CYP11A1: variants seen among roughly 807,000 people sequenced by gnomAD.
CYP11A1 encodes cytochrome P450 family 11 subfamily A member 1.
In CYP11A1, 25 loss-of-function variants were observed where a neutral mutation model predicts 51.9. The observed-to-expected ratio is 0.48, with a 90% confidence interval of 0.35 to 0.67. CYP11A1 has a LOEUF of 0.67. CYP11A1 is among the 30% of genes least tolerant of loss of function. The probability of loss-of-function intolerance (pLI) is 0.00; values close to 1 mark genes in which losing one functional copy is unlikely to be tolerated. For synonymous variants in CYP11A1, 245 were observed against 262.1 expected, an observed-to-expected ratio of 0.93 and a Z score of 0.63; for missense variants, 578 against 680.9, an observed-to-expected ratio of 0.85 and a Z score of 1.68.
chr15:74,350,452 T>G (rs1482659050), intron 1 of CYP11A1, among the ~76,000 whole-genome samples: 1 of 152,210 alleles, frequency 6.6e-6, no homozygotes, highest in Non-Finnish European at 1.5e-5. Flanking sequence ...GACAAGACCC[T>G]TCTTCTCACT....
chr15:74,367,218 A>G (rs7177102), intron 1 of CYP11A1, 99 bp downstream of exon 1: 8 of 1,343,904 alleles, frequency 6.0e-6, no homozygotes, highest in Non-Finnish European at 8.4e-6. Flanking sequence ...GGAGTTTGGA[A>G]CCAGAGAACA....
At chr15:74,365,603 G>C (rs530750598) in intron 1 of CYP11A1, 1 of 873,768 alleles carries the variant, frequency 1.1e-6, no homozygotes, top group South Asian at 5.2e-5. Context: ...TCTGGGGAAG[G>C]TTGAGGCCTC....
chr15:74,344,510 C>T (rs1290050316), intron 3 of CYP11A1, among the ~76,000 whole-genome samples: 1 of 152,214 alleles, frequency 6.6e-6, no homozygotes, highest in Non-Finnish European at 1.5e-5. Context: ...AAGCTCTGGG[C>T]ACCCCAAATC....
chr15:74,338,443 A>G, intron 8 of CYP11A1, 128 bp downstream of exon 8: 1 of 972,596 alleles, frequency 1.0e-6, no homozygotes, highest in East Asian at 2.4e-5. Flanking sequence ...GAGAGCAAGT[A>G]ACTGGAGGTA....
Position 74,365,806 on chromosome 15 carries a change from A to T in CYP11A1, c.269+1511T>A, listed in dbSNP as rs369921449. 1.3e-5 allele frequency: 13 copies of T among 985,534 alleles called. No individual in the cohort carries two copies. The African/African-American group carries it at 2.3e-4, about 17-fold the overall frequency. The allele number at this position is 985,534 out of a possible 1,614,324, so 61.0% of individuals were successfully genotyped here. ...AGAGGCCAGCAGAGGCGAGGAGTGG[A>T]TGCTGCAGGGCCGCAGGCCGGGCAG... On this transcript the variant is annotated intron_variant, in intron 1 of 8. Coordinates refer to ENST00000268053, the MANE Select transcript of CYP11A1 (RefSeq NM_000781.3).
intron 1 of CYP11A1, chr15:74,366,040 C>T: frequency 3.0e-6 from 3 of 985,730 alleles, no homozygotes; most frequent in African/African-American, 1.7e-5. Flanking sequence ...GAGGTAAACG[C>T]GGGTCGACCC....
Position 74,345,779 on chromosome 15 carries a change from A to T in CYP11A1, c.426-536T>A, listed in dbSNP as rs537298206. ...GGTTGGTCATAATAAACCTTAATTC[A>T]TGCACACTCTTGAAATTCATCAATC... On this transcript the variant is annotated intron_variant, in intron 2 of 8. Coordinates refer to ENST00000268053, the MANE Select transcript of CYP11A1 (RefSeq NM_000781.3). The surrounding 1 kb of genome is among the most constrained non-coding windows in gnomAD (Gnocchi z 4.3). Among the ~76,000 whole-genome samples, 7 of 152,140 alleles carry T rather than the reference A, an allele frequency of 4.6e-5. No individual in the cohort carries two copies. The highest frequency in any genetic ancestry group is 1.7e-4 in the African/African-American group (7 of 41,416).
At chr15:74,362,100 A>G (rs1337530649) in intron 1 of CYP11A1, 7 of 1,112,100 alleles carry the variant, frequency 6.3e-6, no homozygotes, top group Non-Finnish European at 9.3e-6. Flanking sequence ...GTAGCTCAGG[A>G]CAGCACCCTC....
intron 8 of CYP11A1, 97 bp from the exon 9 acceptor site, chr15:74,338,200 T>C: frequency 2.1e-6 from 3 of 1,463,130 alleles, no homozygotes; most frequent in Non-Finnish European, 2.9e-6. Context: ...TGGAGTGTGA[T>C]TTGAGGAGTT....
intron 1 of CYP11A1, among the ~76,000 whole-genome samples, chr15:74,357,993 A>G (rs1376084566): frequency 6.6e-6 from 1 of 152,260 alleles, no homozygotes; most frequent in Non-Finnish European, 1.5e-5. Flanking sequence ...TTACACGTCA[A>G]TATTTATACT....
chr15:74,360,386 A>G (rs1387865922), intron 1 of CYP11A1, among the ~76,000 whole-genome samples: 4 of 151,948 alleles, frequency 2.6e-5, no homozygotes, highest in Non-Finnish European at 5.9e-5. Flanking sequence ...GATTCAAGCA[A>G]TTCTCTGCCC....
At chr15:74,361,856 T>C (rs1017466109) in intron 1 of CYP11A1, 29 of 1,138,390 alleles carry the variant, frequency 2.5e-5, no homozygotes, top group Non-Finnish European at 3.5e-5. Context: ...CCATGGCAAA[T>C]GCTGGATCCA....
intron 2 of CYP11A1, among the ~76,000 whole-genome samples, chr15:74,347,408 A>G (rs1230613068): frequency 6.6e-6 from 1 of 152,138 alleles, no homozygotes; most frequent in Admixed American, 6.5e-5. Context: ...ATCCCATCTC[A>G]AAATAAAAAA....
chr15:74,344,530 G>C (rs1380756530), intron 3 of CYP11A1, among the ~76,000 whole-genome samples: 1 of 152,142 alleles, frequency 6.6e-6, no homozygotes, highest in African/African-American at 2.4e-5. Flanking sequence ...CTCTTGCTGT[G>C]ACCACACAAT....
chr15:74,344,103 C>T lies in CYP11A1; in HGVS notation c.626-111G>A, dbSNP rs940016561. ...TCCCTCAGCACAAAGGATCTCTTGC[C>T]CCTACCCTCAGCCTCCTTCAGTAAA... On this transcript the variant is annotated intron_variant, in intron 3 of 8. Coordinates refer to ENST00000268053, the MANE Select transcript of CYP11A1 (RefSeq NM_000781.3). The T allele has an allele frequency of 9.3e-6, 8 of 855,676 alleles. 1 individual carries two copies. Among genetic ancestry groups the T allele is most frequent in the Non-Finnish European group, 1.3e-5 (7 of 523,298 alleles). The allele number at this position is 855,676 out of a possible 1,614,324, so 53.0% of individuals were successfully genotyped here.
intron 1 of CYP11A1, among the ~76,000 whole-genome samples, chr15:74,357,075 A>G (rs770470440): frequency 6.6e-6 from 1 of 152,178 alleles, no homozygotes; most frequent in African/African-American, 2.4e-5. Flanking sequence ...TCTGTGCCTT[A>G]TCAACCAAAT....
At chr15:74,360,525 C>T (rs2060703421) in intron 1 of CYP11A1, among the ~76,000 whole-genome samples, 1 of 150,538 alleles carries the variant, frequency 6.6e-6, no homozygotes, top group African/African-American at 2.4e-5. Context: ...ACCTCATGAT[C>T]CACCCGCCTC....
At chr15:74,360,319 C>G (rs572326047) in intron 1 of CYP11A1, among the ~76,000 whole-genome samples, 2 of 151,920 alleles carry the variant, frequency 1.3e-5, no homozygotes, top group Non-Finnish European at 2.9e-5. Context: ...CTCACTCTGT[C>G]CCCCAGGCTG....
In CYP11A1 at chr15:74,343,852, G is replaced by C. The variant is rs759185556; in HGVS notation, c.766C>G (p.Arg256Gly). ...PMLNLPPDLF[R>G]LFRTKTWKDH... ...TTCCAGGTCTTGGTCCTGAACAGAC[G>C]GAACAGGTCTGGGGGAAGGTTGAGC... The change falls in exon 4 of 9, where the codon CGT (arginine) becomes GGT (glycine). Residue 256 changes from arginine (R) to glycine (G), a missense_variant. Transcript: ENST00000268053. 6.2e-7 allele frequency: 1 copy of C among 1,613,824 alleles called. No homozygotes were observed. The highest frequency in any genetic ancestry group is 8.5e-7 in the Non-Finnish European group (1 of 1,180,032).
Sources: gnomAD v4.1 joint callset for allele counts (sites outside exome capture counted in the v4.1 genomes callset) on GRCh38, gnomAD v4.1.1 for gene constraint, Gnocchi (gnomAD v3.1) non-coding constraint, MANE v1.5 for transcripts, NCBI Gene and HGNC (gene_info 2026-07-23, HGNC 2026-07-21) for gene names.